IGDCC4: variants seen among roughly 807,000 people sequenced by gnomAD.
IGDCC4 encodes likely ortholog of mouse neighbor of Punc E11.
IGDCC4 carries 72 observed loss-of-function variants against 116.6 expected under a neutral mutation model. The ratio of observed to expected loss-of-function variants is 0.62; its 90% CI spans 0.51 to 0.75. The LOEUF (loss-of-function observed/expected upper bound fraction) is 0.75. Ranked by LOEUF, IGDCC4 falls within the 30% of genes least tolerant of loss-of-function variation. The pLI is 0.00. For missense variants in IGDCC4, 1,501 were observed against 1,662.4 expected, an observed-to-expected ratio of 0.90 and a Z score of 1.69; for synonymous variants, 709 against 719.9, an observed-to-expected ratio of 0.98 and a Z score of 0.24.
intron 18 of IGDCC4, chr15:65,385,488 C>T: frequency 3.8e-6 from 2 of 529,726 alleles, no homozygotes; most frequent in Non-Finnish European, 6.8e-6. Context: ...CACTTGGCCA[C>T]AGCCAAGCCG....
intron 6 of IGDCC4, 52 bp from the exon 7 acceptor site, chr15:65,396,215 T>G: frequency 5.3e-6 from 7 of 1,318,976 alleles, no homozygotes; most frequent in Non-Finnish European, 5.8e-6. Context: ...CTAAGGTCTC[T>G]GCCCCCCCCC....
intron 16 of IGDCC4, among the ~76,000 whole-genome samples, chr15:65,387,202 T>C (rs2091468566): frequency 6.6e-6 from 1 of 151,888 alleles, no homozygotes; most frequent in Admixed American, 6.6e-5. Flanking sequence ...AATTTTTAAA[T>C]TTTTTGTGGA....
chr15:65,422,750 G>A, intron 1 of IGDCC4, 43 bp downstream of exon 1: 2 of 1,316,430 alleles, frequency 1.5e-6, no homozygotes, highest in South Asian at 1.8e-5. Context: ...GGGCGCACCA[G>A]CACTCCGCAG....
At position 65,411,177 on chromosome 15, in the gene IGDCC4, C is replaced by G. The variant is rs1006197895; in HGVS notation, c.264G>C (p.Leu88=). The G allele has an allele frequency of 1.2e-5, 20 of 1,614,082 alleles. No individual in the cohort carries two copies. The highest frequency in any genetic ancestry group is 1.7e-5 in the Non-Finnish European group (20 of 1,180,036). The change falls in exon 2 of 20, where the codon CTG becomes CTC. Residue 88 remains leucine (L), a synonymous_variant. Transcript: ENST00000352385. ...TLLEHDHLHL[L]PNGSLWLSQP... ...GGGACAGCCACAGGGAACCATTGGG[C>G]AGCAGGTGTAAGTGGTCGTGCTCCA...
chr15:65,405,779 A>G (rs933845401), intron 3 of IGDCC4, among the ~76,000 whole-genome samples: 1 of 152,226 alleles, frequency 6.6e-6, no homozygotes, highest in African/African-American at 2.4e-5. Context: ...GAGAAATTCA[A>G]ATTTCAAATA....
chr15:65,389,533 G>T, intron 13 of IGDCC4, 122 bp from the exon 14 acceptor site: 1 of 1,391,986 alleles, frequency 7.2e-7, no homozygotes, highest in Non-Finnish European at 1.0e-6. Context: ...AAGGGAAGCT[G>T]CTCCCTGGCC....
At chr15:65,389,905 C>A (rs868261248) in intron 13 of IGDCC4, among the ~76,000 whole-genome samples, 1 of 152,172 alleles carries the variant, frequency 6.6e-6, no homozygotes, top group South Asian at 2.1e-4. Flanking sequence ...GTGTCACATT[C>A]TCCGGAGTTT....
rs1464600720 is a variant in IGDCC4, at chr15:65,393,010, G to A, written c.1885+351C>T. 6.6e-6 allele frequency among the ~76,000 whole-genome samples: 1 copy of A among 152,072 alleles called. No individual in the cohort carries two copies. The highest frequency in any genetic ancestry group is 1.5e-5 in the Non-Finnish European group (1 of 68,004). On this transcript the variant is annotated intron_variant, in intron 10 of 19. Coordinates refer to ENST00000352385, the MANE Select transcript of IGDCC4 (RefSeq NM_020962.3). This position sits in a 1 kb window ranked among gnomAD's most constrained non-coding sequence, Gnocchi z 4.6. The stretch of plus-strand genomic sequence containing the variant: ...CAGCATTTAATCACTCTTCTATTGG[G>A]CCTCTCAACAAAAACAATCATCATC...
Position 65,422,815 on chromosome 15 carries a change from G to A in IGDCC4, c.48C>T (p.Thr16=). The A allele has an allele frequency of 3.1e-6, 4 of 1,277,422 alleles. No individual in the cohort carries two copies. Among genetic ancestry groups the A allele is most frequent in the African/African-American group, 1.6e-5 (1 of 63,980 alleles). 79.1% of individuals were successfully genotyped at this position (1,277,422 alleles called of 1,614,324 possible). The change falls in exon 1 of 20, where the codon ACC becomes ACT. Residue 16 remains threonine (T), a synonymous_variant. Transcript: ENST00000352385. ...TACCGCGCGCGGCCAACAGGCAGAA[G>A]GTCAACGCGAGGAGCCCGCGGCCGC... The part of the protein sequence containing the change: ...AGRGRGLLAL[T]FCLLAARGEL...
rs1041882649 is a variant in IGDCC4 at position 65,407,177 on chromosome 15, C to A, written c.563+3001G>T. On this transcript the variant is annotated intron_variant, in intron 3 of 19. Transcript: ENST00000352385. ...TCTGATCCTCCAATCCCTCATTTAA[C>A]AATCCAGATAAAAATACCTACCATA... 2.6e-5 allele frequency among the ~76,000 whole-genome samples: 4 copies of A among 151,026 alleles called. No homozygotes were observed. In the East Asian group the frequency reaches 5.8e-4, roughly 22 times the overall value.
intron 5 of IGDCC4, among the ~76,000 whole-genome samples, chr15:65,399,736 T>C (rs1037997136): frequency 2.0e-5 from 3 of 152,176 alleles, no homozygotes; most frequent in Admixed American, 1.3e-4. Flanking sequence ...TGGGTACATA[T>C]TAATAGTTGT....
intron 3 of IGDCC4, among the ~76,000 whole-genome samples, chr15:65,403,930 G>A (rs927330247): frequency 3.9e-5 from 6 of 152,050 alleles, no homozygotes; most frequent in African/African-American, 1.2e-4. Context: ...TGGGTCCCTC[G>A]GAATCCTCCA....
At chr15:65,395,618 TG>T in intron 7 of IGDCC4, 131 bp downstream of exon 7, 3 of 1,029,594 alleles carry the variant, frequency 2.9e-6, no homozygotes, top group Non-Finnish European at 4.0e-6. Flanking sequence ...GTCTCTCCTA[TG>T]GGCTCCTACC....
At chr15:65,416,651 G>A (rs1250377598) in intron 1 of IGDCC4, among the ~76,000 whole-genome samples, 1 of 152,052 alleles carries the variant, frequency 6.6e-6, no homozygotes, top group African/African-American at 2.4e-5. Context: ...CTCAGTGCCG[G>A]GGTGGACACA....
chr15:65,412,944 TACACACACAC>T (rs10563998), intron 1 of IGDCC4, among the ~76,000 whole-genome samples: 1 of 147,564 alleles, frequency 6.8e-6, no homozygotes, highest in Non-Finnish European at 1.5e-5. Flanking sequence ...TCTCTCTCTG[TACACACACAC>T]ACACACACAC....
Position 65,395,189 on chromosome 15 carries a change from T to C in IGDCC4, c.1481A>G (p.Glu494Gly), listed in dbSNP as rs756504461. 6.2e-7 allele frequency: 1 copy of C among 1,614,014 alleles called. No individual in the cohort carries two copies. The highest frequency in any genetic ancestry group is 8.5e-7 in the Non-Finnish European group (1 of 1,179,948). The change falls in exon 8 of 20, where the codon GAA becomes GGA. Residue 494 changes from glutamate (E) to glycine (G), a missense_variant. Glu to Gly is a moderately conservative substitution (Grantham distance 98). Around this residue, in one of 3 missense-constraint regions of IGDCC4, gnomAD observed 898 missense variants for 978.9 expected, o/e 0.92. Coordinates refer to ENST00000352385, the MANE Select transcript of IGDCC4 (RefSeq NM_020962.3). ...DTTELQVRDL[E>G]PNTDYEFYVV... ...GTAGAACTCATAATCTGTGTTGGGT[T>C]CCAGGTCCCGAACCTGTAGTTCTGT... is the stretch of plus-strand genomic sequence containing the variant.
chr15:65,399,735 A>G (rs1457067008), intron 5 of IGDCC4, among the ~76,000 whole-genome samples: 2 of 152,172 alleles, frequency 1.3e-5, no homozygotes, highest in African/African-American at 2.4e-5. Context: ...GTGGGTACAT[A>G]TTAATAGTTG....
rs756629914 is a variant in IGDCC4, at chr15:65,384,018, G to A, written c.3744C>T (p.Ser1248=). 2 of 1,590,280 alleles carry A rather than the reference G, an allele frequency of 1.3e-6. No homozygotes were observed. Among genetic ancestry groups the A allele is most frequent in the Non-Finnish European group, 8.6e-7 (1 of 1,163,408 alleles). The change falls in exon 20 of 20, where the codon TCC becomes TCT. Residue 1248 remains serine, a synonymous_variant. Coordinates refer to ENST00000352385, the MANE Select transcript of IGDCC4 (RefSeq NM_020962.3). This position sits in a 1 kb window ranked among gnomAD's most constrained non-coding sequence, Gnocchi z 4.9. ...SPGLPRSPVS[S]SA ...CATCCTCTGGGAAGAGCTAGGCAGA[G>A]GAGGAGACCGGGGATCTGGGCAGGC...
At position 65,384,817 on chromosome 15, in the gene IGDCC4, G is replaced by T. The variant is rs982869274; in HGVS notation, c.3342+137C>A. 6.0e-6 allele frequency: 7 copies of T among 1,164,216 alleles called. No homozygotes were observed. The highest frequency in any genetic ancestry group is 8.3e-6 in the Non-Finnish European group (7 of 847,502). 72.1% of individuals were successfully genotyped at this position (1,164,216 alleles called of 1,614,324 possible). A position where few individuals can be genotyped will look rare whatever the true frequency, so the allele number is the denominator to read the frequency against. On this transcript the variant is annotated intron_variant, in intron 19 of 19. Transcript: ENST00000352385. The surrounding 1 kb of genome is among the most constrained non-coding windows in gnomAD (Gnocchi z 4.9). ...CCCTCCACCTACTCAACCTTTGGAG[G>T]CTCCAGGGGTCTCCTGGCTAGACTT...
Sources: gnomAD v4.1 joint callset for allele counts (sites outside exome capture counted in the v4.1 genomes callset) on GRCh38, gnomAD v4.1.1 for gene constraint, gnomAD v4.1.1 regional missense constraint, Gnocchi (gnomAD v3.1) non-coding constraint, MANE v1.5 for transcripts, NCBI Gene and HGNC (gene_info 2026-07-23, HGNC 2026-07-21) for gene names.